The following WDR62 variants were observed in gnomAD, a reference collection of about 807,000 sequenced individuals.
The protein encoded by WDR62 is WD repeat domain 62.
WDR62 carries 112 observed loss-of-function variants against 160.6 expected under a neutral mutation model. The observed-to-expected ratio is 0.70, with a 90% CI of 0.60 to 0.82. WDR62 has a LOEUF of 0.82. Ranked by LOEUF, WDR62 falls within the 40% of genes least tolerant of loss-of-function variation. The pLI is 0.00. For synonymous variants in WDR62, 792 were observed against 815.1 expected (o/e 0.97, Z 0.48); for missense variants, 1,819 against 1,983.8 (o/e 0.92, Z 1.58).
intron 3 of WDR62, 126 bp from the exon 4 acceptor site, chr19:36,065,832 A>C (rs1599757014): frequency 1.1e-6 from 1 of 912,982 alleles, no homozygotes; most frequent in Non-Finnish European, 1.8e-6. Context: ...GCTTGAGCTC[A>C]CCTCTGCTGG....
chr19:36,055,677 A>G (rs1255080891), intron 1 of WDR62, among the ~76,000 whole-genome samples: 1 of 152,150 alleles, frequency 6.6e-6, no homozygotes, highest in Non-Finnish European at 1.5e-5. Flanking sequence ...AAGACGTGAG[A>G]AGTTATTTAT....
intron 9 of WDR62, among the ~76,000 whole-genome samples, chr19:36,080,007 G>A (rs932772062): frequency 2.6e-5 from 4 of 152,038 alleles, no homozygotes; most frequent in African/African-American, 9.7e-5. Context: ...GTGGCTCTTT[G>A]TCCTTCTCAG....
intron 9 of WDR62, among the ~76,000 whole-genome samples, chr19:36,080,468 C>A (rs1200350155): frequency 6.7e-6 from 1 of 150,342 alleles, no homozygotes; most frequent in Middle Eastern, 3.2e-3. Context: ...CTCTTGTTAC[C>A]CAGACTGGAG....
At position 36,102,769 on chromosome 19, in the gene WDR62, G is replaced by A; in HGVS notation, c.3253G>A (p.Ala1085Thr). The change falls in exon 27 of 32, where the codon GCC (alanine) becomes ACC (threonine). Residue 1085 changes from alanine to threonine, a missense_variant. Physicochemically the swap from Ala to Thr is moderately conservative, Grantham distance 58. Transcript: ENST00000401500. The stretch of plus-strand genomic sequence containing the variant: ...CCCCGCAGCTCTGGGAGACGTGGAG[G>A]CCTCTGAAGCTGAAGACCACTTCTT... ...LFPAALGDVE[A>T]SEAEDHFFNP... is the part of the protein sequence containing the mutation. 6.2e-7 allele frequency: 1 copy of A among 1,614,218 alleles called. No homozygotes were observed. The highest frequency in any genetic ancestry group is 1.3e-5 in the African/African-American group (1 of 75,054).
At position 36,097,882 on chromosome 19, in the gene WDR62, TAAAAAA is replaced by T. The variant is rs145357526; in HGVS notation, c.2520+806_2520+811del. Among the ~76,000 whole-genome samples, 644 of 150,288 alleles carry T rather than the reference TAAAAAA, an allele frequency of 4.3e-3. 5 individuals are homozygous for T. Among genetic ancestry groups the T allele is most frequent in the African/African-American group, 0.015 (624 of 41,220 alleles). ...GCAACAGAGCCAACACTTTGTCTCATAAAAAAAATAAAAATAAAAAAGAAAATAAGG... is the reference window on the plus strand; with the variant it reads ...GCAACAGAGCCAACACTTTGTCTCATAATAAAAATAAAAAAGAAAATAAGG... On this transcript the variant is annotated intron_variant, in intron 21 of 31. Transcript: ENST00000401500.
chr19:36,084,716 G>C lies in WDR62; in HGVS notation c.1614G>C (p.Leu538=). ...TGGAGGCCCATGATGCTGAGGTGCT[G>C]TGCCTGGAGTACTCCAAGCCAGAGA... ...VKVEAHDAEV[L]CLEYSKPETG... Residue 538 remains leucine, a synonymous_variant, in exon 12 of 32, where the codon CTG becomes CTC. Coordinates refer to ENST00000401500, the MANE Select transcript of WDR62 (RefSeq NM_001083961.2). 1.9e-6 allele frequency: 3 copies of C among 1,613,784 alleles called. No individual in the cohort carries two copies. The highest frequency in any genetic ancestry group is 2.5e-6 in the Non-Finnish European group (3 of 1,179,974).
At chr19:36,079,472 T>A (rs1437536433) in intron 9 of WDR62, among the ~76,000 whole-genome samples, 1 of 152,234 alleles carries the variant, frequency 6.6e-6, no homozygotes, top group African/African-American at 2.4e-5. Context: ...CTCTTTACTT[T>A]ATTTCTTCTG....
chr19:36,097,059 C>G lies in WDR62; in HGVS notation c.2500C>G (p.Pro834Ala). Residue 834 changes from proline (P) to alanine (A), a missense_variant, in exon 21 of 32, where the codon CCA (proline) becomes GCA (alanine). By Grantham distance (27) the Pro-to-Ala change is conservative. Coordinates refer to ENST00000401500, the MANE Select transcript of WDR62 (RefSeq NM_001083961.2). The stretch of plus-strand genomic sequence containing the variant: ...TTGCCTGCTAACCAACGGCAAGCTG[C>G]CACTGTGGGCAAAGCGGCTGGTAAG... ...PRCLLTNGKLPLWAKRLLGDD... is the reference protein window; with the variant it reads ...PRCLLTNGKLALWAKRLLGDD... 6.2e-7 allele frequency: 1 copy of G among 1,613,778 alleles called. No individual in the cohort carries two copies. Among genetic ancestry groups the G allele is most frequent in the Non-Finnish European group, 8.5e-7 (1 of 1,179,868 alleles).
intron 3 of WDR62, among the ~76,000 whole-genome samples, chr19:36,064,991 A>G (rs1416594893): frequency 1.3e-5 from 2 of 152,162 alleles, no homozygotes; most frequent in East Asian, 3.8e-4. Context: ...CAGGAGGGGA[A>G]CTGGTAGGAA....
Position 36,101,701 on chromosome 19 carries a change from C to G in WDR62, c.3009C>G (p.Phe1003Leu). The change falls in exon 25 of 32, where the codon TTC becomes TTG. Residue 1003 changes from phenylalanine (F) to leucine (L), a missense_variant. Around this residue, in one of 3 missense-constraint regions of WDR62, gnomAD observed 770 missense variants for 734.2 expected, o/e 1.05. Coordinates refer to ENST00000401500, the MANE Select transcript of WDR62 (RefSeq NM_001083961.2). ...GESEADLECS[F>L]AAIHSPAPPP... The stretch of plus-strand genomic sequence containing the variant: ...CAGAGGCCGACCTGGAGTGCAGCTT[C>G]GCAGCCATCCACTCCCCAGCTCCGC... 6.4e-7 allele frequency: 1 copy of G among 1,551,112 alleles called. No homozygotes were observed. Among genetic ancestry groups the G allele is most frequent in the Non-Finnish European group, 8.7e-7 (1 of 1,146,962 alleles).
At chr19:36,092,564 G>C in intron 18 of WDR62, 125 bp from the exon 19 acceptor site, 1 of 1,395,854 alleles carries the variant, frequency 7.2e-7, no homozygotes, top group Non-Finnish European at 1.0e-6. Context: ...ATAGGGGTGT[G>C]TTTTCCAGGA....
In WDR62 at chr19:36,091,206, G is replaced by A; in HGVS notation, c.2041G>A (p.Val681Met). 2 of 1,612,438 alleles carry A rather than the reference G, an allele frequency of 1.2e-6. No homozygotes were observed. The highest frequency in any genetic ancestry group is 1.7e-6 in the Non-Finnish European group (2 of 1,179,944). The change falls in exon 17 of 32, where the codon GTG (valine) becomes ATG (methionine). Residue 681 changes from valine (V) to methionine (M), a missense_variant. Around this residue, in one of 3 missense-constraint regions of WDR62, gnomAD observed 934 missense variants for 1,157.2 expected, o/e 0.81. Coordinates refer to ENST00000401500, the MANE Select transcript of WDR62 (RefSeq NM_001083961.2). ...GDEGSLLKVH[V>M]DPSGTFLATS... ...TGGGTCCCTTTCCTGGCAGGTCCAT[G>A]TGGACCCCTCAGGCACCTTCCTGGC...
downstream of WDR62, among the ~76,000 whole-genome samples, chr19:36,108,951 A>G (rs1408971343): frequency 2.0e-5 from 3 of 152,024 alleles, no homozygotes; most frequent in Non-Finnish European, 4.4e-5. Context: ...TGTGAGCTAC[A>G]TGGATCTTCA....
intron 26 of WDR62, 165 bp downstream of exon 26, chr19:36,102,316 G>A (rs575746405): frequency 4.4e-5 from 45 of 1,014,578 alleles, no homozygotes; most frequent in East Asian, 1.5e-4. Context: ...GCTGGAGTGC[G>A]GTGGCCCAAT....
intron 8 of WDR62, 125 bp downstream of exon 8, chr19:36,071,841 C>G: frequency 7.7e-7 from 1 of 1,303,374 alleles, no homozygotes; most frequent in Non-Finnish European, 1.0e-6. Context: ...TGACTCTCAG[C>G]CCTGGGCATT....
rs1599792182 is a variant in WDR62, at chr19:36,081,582, C to T, written c.1371+12C>T. The T allele has an allele frequency of 6.2e-6, 10 of 1,614,060 alleles. No individual in the cohort carries two copies. The highest frequency in any genetic ancestry group is 6.8e-6 in the Non-Finnish European group (8 of 1,180,030). On this transcript the variant is annotated intron_variant, in intron 10 of 31. Coordinates refer to ENST00000401500, the MANE Select transcript of WDR62 (RefSeq NM_001083961.2). ...ACATCTTCAGCAATGTGAGTGGCTTCCTTTGTGAACCATCTTTCAGGAGGA... is the reference window on the plus strand; with the variant it reads ...ACATCTTCAGCAATGTGAGTGGCTTTCTTTGTGAACCATCTTTCAGGAGGA...
intron 23 of WDR62, 72 bp downstream of exon 23, chr19:36,100,947 T>C: frequency 1.2e-6 from 2 of 1,608,732 alleles, no homozygotes; most frequent in East Asian, 2.2e-5. Flanking sequence ...CTGGAAGAAG[T>C]GCTCTCTGCC....
At chr19:36,063,516 G>A (rs899317883) in intron 3 of WDR62, among the ~76,000 whole-genome samples, 1 of 152,218 alleles carries the variant, frequency 6.6e-6, no homozygotes, top group African/African-American at 2.4e-5. Context: ...CTCCCAAAGT[G>A]CTGGGATTAC....
At position 36,090,438 on chromosome 19, in the gene WDR62, TC is replaced by T. The variant is rs1356368715; in HGVS notation, c.1959-3del. ...CTGTTGGCCGCAACATGCCCCTACT[TC>T]CCCAGAGTCTACAACACTGTGAACG... On this transcript the variant is annotated splice_region_variant and splice_polypyrimidine_tract_variant and intron_variant, in intron 15 of 31. Coordinates refer to ENST00000401500, the MANE Select transcript of WDR62 (RefSeq NM_001083961.2). 1 of 1,613,908 alleles carries T rather than the reference TC, an allele frequency of 6.2e-7. No homozygotes were observed. The highest frequency in any genetic ancestry group is 1.7e-5 in the Admixed American group (1 of 60,018).
Sources: allele counts gnomAD v4.1 joint callset (sites outside exome capture counted in the v4.1 genomes callset), GRCh38; gene constraint gnomAD v4.1.1; regional missense constraint gnomAD v4.1.1; transcripts MANE v1.5; gene names NCBI Gene and HGNC (gene_info 2026-07-23, HGNC 2026-07-21).